The following MYCT1 variants were observed in gnomAD, a reference collection of about 807,000 sequenced individuals.
MYCT1 encodes the protein MYC target 1.
MYCT1 carries 12 observed loss-of-function variants against 15.0 expected under a neutral mutation model. The observed-to-expected ratio is 0.80, with a 90% CI of 0.51 to 1.29. MYCT1 has a LOEUF of 1.29. Among genes scored for constraint, MYCT1 ranks in the 50% most tolerant of loss-of-function variants. The pLI is 0.00. For synonymous variants in MYCT1, 104 were observed against 102.7 expected (o/e 1.01, Z -0.07); for missense variants, 287 against 279.1 (o/e 1.03, Z -0.20).
At chr6:152,717,051 C>T (rs2099723812) in intron 1 of MYCT1, among the ~76,000 whole-genome samples, 1 of 151,976 alleles carries the variant, frequency 6.6e-6, no homozygotes. Flanking sequence ...TGTCAAAAGT[C>T]TGCCAGAATG....
chr6:152,731,893 C>T, the MYCT1 span, among the ~76,000 whole-genome samples: 662 of 152,070 alleles, frequency 4.4e-3, 4 homozygotes, highest in African/African-American at 0.015. Context: ...GACTATAGGG[C>T]ACATGCCACC....
the MYCT1 span, among the ~76,000 whole-genome samples, chr6:152,739,435 G>A: frequency 2.0e-5 from 3 of 151,632 alleles, no homozygotes; most frequent in Non-Finnish European, 2.9e-5. Flanking sequence ...TATTTTTAAT[G>A]ATTTTGATAT....
At chr6:152,720,911 A>AAGAGGC (rs1324503442) in intron 1 of MYCT1, among the ~76,000 whole-genome samples, 7 of 152,354 alleles carry the variant, frequency 4.6e-5, no homozygotes, top group African/African-American at 1.7e-4. Context: ...TTTAGTTTAC[A>AAGAGGC]AGAGGCAGTA....
chr6:152,735,507 A>G, the MYCT1 span, among the ~76,000 whole-genome samples: 13 of 152,262 alleles, frequency 8.5e-5, no homozygotes, highest in African/African-American at 2.6e-4. Context: ...CTACATTTAT[A>G]TTAAACATTT....
At chr6:152,727,393 C>G (rs1247200517), downstream of MYCT1, among the ~76,000 whole-genome samples, 1 of 152,126 alleles carries the variant, frequency 6.6e-6, no homozygotes, top group Non-Finnish European at 1.5e-5. Flanking sequence ...AAAGTATGAG[C>G]CTAATGTGAT....
At chr6:152,717,317 A>T (rs1371497203) in intron 1 of MYCT1, among the ~76,000 whole-genome samples, 1 of 152,218 alleles carries the variant, frequency 6.6e-6, no homozygotes, top group Non-Finnish European at 1.5e-5. Context: ...CATATACCTC[A>T]GGAAGTCTTA....
At chr6:152,739,153 A>G in the MYCT1 span, among the ~76,000 whole-genome samples, 25 of 151,928 alleles carry the variant, frequency 1.6e-4, no homozygotes, top group African/African-American at 4.3e-4. Flanking sequence ...TACACTTAAC[A>G]CTAGAATTGG....
rs917925503 is a variant in MYCT1 at position 152,722,784 on chromosome 6, C to T, written c.*531C>T. On this transcript the variant is annotated 3_prime_UTR_variant, in exon 2 of 2. Transcript: ENST00000367245. ...ACAGGGTCTTGATCCGTCGCCCAGG[C>T]GGGAGTTGCAGTAGCATGATCAGGA... 2 of 406,416 alleles carry T rather than the reference C, an allele frequency of 4.9e-6. No homozygotes were observed. Among genetic ancestry groups the T allele is most frequent in the East Asian group, 8.4e-5 (1 of 11,944 alleles). The allele number at this position is 406,416 out of a possible 1,614,324, so 25.2% of individuals were successfully genotyped here.
At chr6:152,728,607 AC>A (rs1431921716), downstream of MYCT1, among the ~76,000 whole-genome samples, 1 of 152,176 alleles carries the variant, frequency 6.6e-6, no homozygotes, top group African/African-American at 2.4e-5. Context: ...TTAAGAATTC[AC>A]AAAGAGGCAG....
At chr6:152,707,995 T>C (rs1583967998) in intron 1 of MYCT1, among the ~76,000 whole-genome samples, 1 of 152,000 alleles carries the variant, frequency 6.6e-6, no homozygotes, top group Non-Finnish European at 1.5e-5. Flanking sequence ...TTAGGGTCAT[T>C]TGTAAAATAA....
In MYCT1 at chr6:152,718,455, A is replaced by G. The variant is rs554913606; in HGVS notation, c.197-3287A>G. Among the ~76,000 whole-genome samples the G allele has an allele frequency of 3.4e-4, 51 of 152,166 alleles. No individual in the cohort carries two copies. In the Middle Eastern group the frequency reaches 0.01, roughly 30 times the overall value. ...ACTTTTTGTAGAGACAGGTCCCATTATGTTGCCCAGGCTGGTCTGGGCTCA... is the reference window on the plus strand; with the variant it reads ...ACTTTTTGTAGAGACAGGTCCCATTGTGTTGCCCAGGCTGGTCTGGGCTCA... On this transcript the variant is annotated intron_variant, in intron 1 of 1. Coordinates refer to ENST00000367245, the MANE Select transcript of MYCT1 (RefSeq NM_025107.3).
At position 152,724,251 on chromosome 6, in the gene MYCT1, T is replaced by TA. The variant is rs2099725224; in HGVS notation, c.*1999dup. ...AGGGCTACTTTTTTTTTTTTTTTTTTACTTGCATGTCATCCTTAATGTCTA... is the reference window on the plus strand; with the variant it reads ...AGGGCTACTTTTTTTTTTTTTTTTTTAACTTGCATGTCATCCTTAATGTCTA... On this transcript the variant is annotated 3_prime_UTR_variant, in exon 2 of 2. Transcript: ENST00000367245. The TA allele has an allele frequency of 6.6e-6, 1 of 150,754 alleles. No homozygotes were observed. Among genetic ancestry groups the TA allele is most frequent in the South Asian group, 2.1e-4 (1 of 4,792 alleles). The allele number at this position is 150,754 out of a possible 1,614,324, so 9.3% of individuals were successfully genotyped here. A position where few individuals can be genotyped will look rare whatever the true frequency, so the allele number is the denominator to read the frequency against.
At chr6:152,726,615 A>G (rs2099725713), downstream of MYCT1, among the ~76,000 whole-genome samples, 1 of 152,148 alleles carries the variant, frequency 6.6e-6, no homozygotes, top group Non-Finnish European at 1.5e-5. Flanking sequence ...CTATACACCA[A>G]GACCTGTGTG....
chr6:152,721,721 A>G lies in MYCT1; in HGVS notation c.197-21A>G, dbSNP rs750497026. On this transcript the variant is annotated intron_variant, in intron 1 of 1. Transcript: ENST00000367245. Reference sequence around the variant, plus strand: ...AAACCTATTTAAAAATTGATTTAGCAATTTGTTTTCTTTGTTTCAGAGGAC... The same window carrying G: ...AAACCTATTTAAAAATTGATTTAGCGATTTGTTTTCTTTGTTTCAGAGGAC... 8 of 1,590,934 alleles carry G rather than the reference A, an allele frequency of 5.0e-6. No individual in the cohort carries two copies. The Admixed American group carries it at 1.2e-4, about 25-fold the overall frequency.
At chr6:152,716,082 GA>G (rs1179569824) in intron 1 of MYCT1, among the ~76,000 whole-genome samples, 2 of 152,174 alleles carry the variant, frequency 1.3e-5, no homozygotes, top group African/African-American at 4.8e-5. Context: ...GAAGCAGGAA[GA>G]CCATATTCCA....
At chr6:152,720,376 TAG>T (rs2099724473) in intron 1 of MYCT1, among the ~76,000 whole-genome samples, 1 of 152,000 alleles carries the variant, frequency 6.6e-6, no homozygotes, top group Non-Finnish European at 1.5e-5. Context: ...GGTGGGGAAA[TAG>T]ACTCTATCTC....
rs2099724807 is a variant in MYCT1 at position 152,722,042 on chromosome 6, C to T, written c.497C>T (p.Thr166Ile). Residue 166 changes from threonine (T) to isoleucine (I), a missense_variant, in exon 2 of 2, where the codon ACT becomes ATT. Coordinates refer to ENST00000367245, the MANE Select transcript of MYCT1 (RefSeq NM_025107.3). The stretch of plus-strand genomic sequence containing the variant: ...AGAAAATCAAGTTTCAGAGCTTCTA[C>T]TTTCCATCCCTTTCTGCAATGTCCA... Reference protein sequence around the residue: ...FPRKSSFRASTFHPFLQCPPL... With the variant: ...FPRKSSFRASIFHPFLQCPPL... 6.2e-7 allele frequency: 1 copy of T among 1,614,182 alleles called. No homozygotes were observed. Among genetic ancestry groups the T allele is most frequent in the Non-Finnish European group, 8.5e-7 (1 of 1,180,034 alleles).
Position 152,721,899 on chromosome 6 carries a change from C to T in MYCT1, c.354C>T (p.His118=), listed in dbSNP as rs1288985276. 5.0e-6 allele frequency: 8 copies of T among 1,613,992 alleles called. No homozygotes were observed. Among genetic ancestry groups the T allele is most frequent in the East Asian group, 2.2e-5 (1 of 44,886 alleles). Reference sequence around the variant, plus strand: ...GGAGATCTAGGTCTTCTTACACCCACGGCCTCAACAGAACTGGATTTTACC... The same window carrying T: ...GGAGATCTAGGTCTTCTTACACCCATGGCCTCAACAGAACTGGATTTTACC... ...SSRRSRSSYT[H]GLNRTGFYRH... The change falls in exon 2 of 2, where the codon CAC becomes CAT. Residue 118 remains histidine (H), a synonymous_variant. Transcript: ENST00000367245.
intron 1 of MYCT1, among the ~76,000 whole-genome samples, chr6:152,704,314 ATTCAAGTCC>A (rs1400908659): frequency 6.6e-6 from 1 of 152,104 alleles, no homozygotes; most frequent in African/African-American, 2.4e-5. Context: ...GACTTTCTCT[ATTCAAGTCC>A]TTTGGCACCT....
Sources: gnomAD v4.1 joint callset for allele counts (sites outside exome capture counted in the v4.1 genomes callset) on GRCh38, gnomAD v4.1.1 for gene constraint, MANE v1.5 for transcripts, NCBI Gene and HGNC (gene_info 2026-07-23, HGNC 2026-07-21) for gene names.